The following NR6A1 variants were observed in gnomAD, a reference collection of about 807,000 sequenced individuals.
NR6A1 encodes nuclear receptor subfamily 6 group A member 1.
In NR6A1, 7 loss-of-function variants were observed where a neutral mutation model predicts 59.1. The observed-to-expected ratio is 0.12, with a 90% confidence interval of 0.07 to 0.22. The LOEUF is 0.22. NR6A1 is among the 10% of genes least tolerant of loss of function. The pLI is 1.00. For synonymous variants in NR6A1, 243 were observed against 236.1 expected (o/e 1.03, Z -0.27); for missense variants, 468 against 611.6 (o/e 0.77, Z 2.48).
rs1389520776 is a variant in NR6A1, at chr9:124,524,878, G to GA, written c.1202-6_1202-5insT. ...CACTGGTCAGACCCCTGATATCTGT[G>GA]GAAAAAAAAAAAACACACACACACA... On this transcript the variant is annotated splice_polypyrimidine_tract_variant and splice_region_variant and intron_variant, in intron 8 of 9. Coordinates refer to ENST00000487099, the MANE Select transcript of NR6A1 (RefSeq NM_033334.4). 6 of 1,580,972 alleles carry GA rather than the reference G, an allele frequency of 3.8e-6. No individual in the cohort carries two copies. The highest frequency in any genetic ancestry group is 2.9e-5 in the African/African-American group (2 of 69,658).
chr9:124,667,410 G>A (rs1837657416), intron 2 of NR6A1, among the ~76,000 whole-genome samples: 1 of 151,940 alleles, frequency 6.6e-6, no homozygotes, highest in Non-Finnish European at 1.5e-5. Flanking sequence ...GGTTTCAAAG[G>A]CATAAGTATA....
At chr9:124,672,529 C>T (rs1232706259) in intron 2 of NR6A1, among the ~76,000 whole-genome samples, 1 of 151,906 alleles carries the variant, frequency 6.6e-6, no homozygotes, top group African/African-American at 2.4e-5. Flanking sequence ...GCAGGAGAAT[C>T]GCTTGACCCT....
At chr9:124,769,283 C>T (rs1169285454) in intron 1 of NR6A1, among the ~76,000 whole-genome samples, 4 of 150,154 alleles carry the variant, frequency 2.7e-5, no homozygotes, top group African/African-American at 4.9e-5. Context: ...TCTGAAAACA[C>T]ATCATTATTT....
chr9:124,564,148 A>T (rs902182635), intron 2 of NR6A1, among the ~76,000 whole-genome samples: 1 of 152,220 alleles, frequency 6.6e-6, no homozygotes, highest in African/African-American at 2.4e-5. Context: ...GCTTTAATTT[A>T]AAAAAGTCTT....
At chr9:124,735,872 C>T (rs1204093550) in intron 1 of NR6A1, among the ~76,000 whole-genome samples, 2 of 152,176 alleles carry the variant, frequency 1.3e-5, no homozygotes, top group African/African-American at 4.8e-5. Context: ...GTAGAATGAG[C>T]TCTTTAGGGT....
rs556409023 is a variant in NR6A1, at chr9:124,595,454, T to C, written c.143-40884A>G. ...ATTTTTAATGTAAATTTTATCTATG[T>C]ACTGACACGTATATTTAATTTTTTT... On this transcript the variant is annotated intron_variant, in intron 2 of 9. Coordinates refer to ENST00000487099, the MANE Select transcript of NR6A1 (RefSeq NM_033334.4). Among the ~76,000 whole-genome samples the C allele has an allele frequency of 5.3e-5, 8 of 152,368 alleles. 1 individual carries two copies. The South Asian group carries it at 1.7e-3, about 32-fold the overall frequency.
At position 124,531,247 on chromosome 9, in the gene NR6A1, T is replaced by C. The variant is rs542385469; in HGVS notation, c.1080-4347A>G. 2.6e-5 allele frequency among the ~76,000 whole-genome samples: 4 copies of C among 152,374 alleles called. No homozygotes were observed. The South Asian group carries it at 8.3e-4, about 32-fold the overall frequency. ...AGCCCATCTAGCTCAAGGCATCTTC[T>C]CCTGAGAGGAGTCTTGATTAGGGCC... On this transcript the variant is annotated intron_variant, in intron 7 of 9. Coordinates refer to ENST00000487099, the MANE Select transcript of NR6A1 (RefSeq NM_033334.4).
At position 124,721,351 on chromosome 9, in the gene NR6A1, A is replaced by AC. The variant is rs760331393; in HGVS notation, c.142+11956dup. Among the ~76,000 whole-genome samples, 9 of 152,138 alleles carry AC rather than the reference A, an allele frequency of 5.9e-5. No individual in the cohort carries two copies. In the East Asian group the frequency reaches 7.7e-4, roughly 13 times the overall value. On this transcript the variant is annotated intron_variant, in intron 2 of 9. Coordinates refer to ENST00000487099, the MANE Select transcript of NR6A1 (RefSeq NM_033334.4). ...CACCCTAAGCTCTGGATCTCATACC[A>AC]CCCCTACCCTGATCAAAACAATCCT...
intron 2 of NR6A1, among the ~76,000 whole-genome samples, chr9:124,621,589 A>C (rs1367980395): frequency 6.6e-6 from 1 of 151,996 alleles, no homozygotes; most frequent in Non-Finnish European, 1.5e-5. Flanking sequence ...AGGAGGTTGA[A>C]GTTGCAGTGA....
At chr9:124,746,686 T>C (rs1164309668) in intron 1 of NR6A1, among the ~76,000 whole-genome samples, 1 of 152,208 alleles carries the variant, frequency 6.6e-6, no homozygotes, top group Non-Finnish European at 1.5e-5. Context: ...ACCAAGTATT[T>C]ATAGCACAAC....
At chr9:124,650,127 T>C (rs916400502) in intron 2 of NR6A1, among the ~76,000 whole-genome samples, 1 of 152,182 alleles carries the variant, frequency 6.6e-6, no homozygotes, top group Admixed American at 6.5e-5. Context: ...ATCAAAGAGA[T>C]ATCTGCACTC....
chr9:124,759,745 TA>T (rs1359459529), intron 1 of NR6A1, among the ~76,000 whole-genome samples: 1 of 152,136 alleles, frequency 6.6e-6, no homozygotes, highest in African/African-American at 2.4e-5. Context: ...AAAGGCTTAT[TA>T]AAACCAACAT....
chr9:124,629,637 G>A (rs1192354580), intron 2 of NR6A1, among the ~76,000 whole-genome samples: 1 of 152,146 alleles, frequency 6.6e-6, no homozygotes, highest in African/African-American at 2.4e-5. Context: ...TCCCTGTTAG[G>A]CCTCTCACTT....
chr9:124,652,867 A>G (rs1464097899), intron 2 of NR6A1, among the ~76,000 whole-genome samples: 2 of 152,230 alleles, frequency 1.3e-5, no homozygotes, highest in Admixed American at 6.5e-5. Context: ...CATTCCCAGC[A>G]TAACTAATGA....
At chr9:124,540,357 C>T (rs912729334) in intron 4 of NR6A1, among the ~76,000 whole-genome samples, 170 bp from the exon 5 acceptor site, 1 of 152,168 alleles carries the variant, frequency 6.6e-6, no homozygotes, top group Non-Finnish European at 1.5e-5. Context: ...GGCTTCCTTC[C>T]TACTGGCACC....
At position 124,628,041 on chromosome 9, in the gene NR6A1, G is replaced by C. The variant is rs537230181; in HGVS notation, c.143-73471C>G. On this transcript the variant is annotated intron_variant, in intron 2 of 9. Transcript: ENST00000487099. Reference sequence around the variant, plus strand: ...TTTTGTTGTTGTTATTGTTGTTGTTGTTTTTGAGACGGAGTCTCGCTCTGC... The same window carrying C: ...TTTTGTTGTTGTTATTGTTGTTGTTCTTTTTGAGACGGAGTCTCGCTCTGC... Among the ~76,000 whole-genome samples the C allele has an allele frequency of 1.5e-4, 23 of 151,906 alleles. No individual in the cohort carries two copies. The South Asian group carries it at 3.7e-3, about 25-fold the overall frequency.
chr9:124,544,577 G>GT (rs1833543605), intron 3 of NR6A1, among the ~76,000 whole-genome samples: 1 of 152,146 alleles, frequency 6.6e-6, no homozygotes, highest in African/African-American at 2.4e-5. Context: ...AGTCTTAAAG[G>GT]TTAAGTAGGA....
chr9:124,624,140 C>T (rs964076440), intron 2 of NR6A1, among the ~76,000 whole-genome samples: 1 of 152,156 alleles, frequency 6.6e-6, no homozygotes, highest in African/African-American at 2.4e-5. Flanking sequence ...ATACTGGTGG[C>T]AACAATTAGT....
At chr9:124,627,150 T>C (rs1456332928) in intron 2 of NR6A1, among the ~76,000 whole-genome samples, 1 of 152,200 alleles carries the variant, frequency 6.6e-6, no homozygotes, top group Non-Finnish European at 1.5e-5. Context: ...ACTTAACATC[T>C]GTAAGACAAT....
Sources: gnomAD v4.1 joint callset for allele counts (sites outside exome capture counted in the v4.1 genomes callset) on GRCh38, gnomAD v4.1.1 for gene constraint, MANE v1.5 for transcripts, NCBI Gene and HGNC (gene_info 2026-07-23, HGNC 2026-07-21) for gene names.